The following CDK14 variants were observed in gnomAD, a reference collection of about 807,000 sequenced individuals.
CDK14 encodes cyclin dependent kinase 14.
CDK14 carries 34 observed loss-of-function variants against 60.7 expected under a neutral mutation model. The ratio of observed to expected loss-of-function variants is 0.56; its 90% CI spans 0.43 to 0.75. The LOEUF is 0.75. CDK14 is among the 30% of genes least tolerant of loss of function. The pLI, the probability that CDK14 is intolerant of heterozygous loss-of-function variation, is 0.00. For synonymous variants in CDK14, 197 were observed against 203.7 expected (o/e 0.97, Z 0.28); for missense variants, 482 against 564.1 (o/e 0.85, Z 1.47).
In CDK14 at chr7:90,596,553, G is replaced by T; in HGVS notation, c.-75G>T. 2 of 1,305,900 alleles carry T rather than the reference G, an allele frequency of 1.5e-6. No homozygotes were observed. Among genetic ancestry groups the T allele is most frequent in the Non-Finnish European group, 2.2e-6 (2 of 918,726 alleles). The allele number at this position is 1,305,900 out of a possible 1,614,324, so 80.9% of individuals were successfully genotyped here. A position where few individuals can be genotyped will look rare whatever the true frequency, so the allele number is the denominator to read the frequency against. On this transcript the variant is annotated 5_prime_UTR_variant, in exon 1 of 15. Coordinates refer to ENST00000380050, the MANE Select transcript of CDK14 (RefSeq NM_001287135.2). ...GAGGAGGAGGCGCCGCTTTCCCCGC[G>T]GCGCGCGCCCTCGCCGTTGTCTGAG...
At chr7:90,818,283 G>T (rs1204920715) in intron 5 of CDK14, among the ~76,000 whole-genome samples, 1 of 152,146 alleles carries the variant, frequency 6.6e-6, no homozygotes, top group Non-Finnish European at 1.5e-5. Flanking sequence ...ACATTTTGCT[G>T]TTTCATGGGC....
chr7:91,059,255 C>G (rs964790614), intron 11 of CDK14, among the ~76,000 whole-genome samples: 1 of 152,188 alleles, frequency 6.6e-6, no homozygotes, highest in Non-Finnish European at 1.5e-5. Context: ...GTGATATCCC[C>G]TTTAACATTT....
chr7:90,960,967 A>G (rs1056498655), intron 9 of CDK14, among the ~76,000 whole-genome samples: 17 of 152,080 alleles, frequency 1.1e-4, no homozygotes, highest in African/African-American at 4.1e-4. Context: ...ATGCATTTTA[A>G]TTACTTACCT....
intron 13 of CDK14, among the ~76,000 whole-genome samples, chr7:91,115,568 C>T (rs1360468427): frequency 6.6e-6 from 1 of 152,142 alleles, no homozygotes; most frequent in Non-Finnish European, 1.5e-5. Flanking sequence ...AAAGATGGCT[C>T]ATAGCACTTT....
chr7:90,831,878 C>G (rs1190344748), intron 5 of CDK14, among the ~76,000 whole-genome samples: 1 of 152,062 alleles, frequency 6.6e-6, no homozygotes, highest in Non-Finnish European at 1.5e-5. Context: ...CTTAGCCACA[C>G]TGGTCTCCTT....
chr7:90,795,494 A>G (rs1788384865), intron 5 of CDK14, among the ~76,000 whole-genome samples: 1 of 150,994 alleles, frequency 6.6e-6, no homozygotes, highest in Non-Finnish European at 1.5e-5. Context: ...TTATATATAA[A>G]TATTTGAAAT....
intron 5 of CDK14, among the ~76,000 whole-genome samples, chr7:90,817,876 G>T (rs1789406858): frequency 6.6e-6 from 1 of 152,042 alleles, no homozygotes; most frequent in South Asian, 2.1e-4. Context: ...TAATACATTT[G>T]GATTATTCCG....
rs147766121 is a variant in CDK14 at position 90,843,359 on chromosome 7, C to T, written c.545-19816C>T. On this transcript the variant is annotated intron_variant, in intron 5 of 14. Transcript: ENST00000380050. ...TTATCTTGATTTTTAAAAAATTTTG[C>T]AGCTTTATTAGAAAATTAATGACTT... Among the ~76,000 whole-genome samples the T allele has an allele frequency of 1.3e-3, 194 of 152,176 alleles. 1 individual carries two copies. Among genetic ancestry groups the T allele is most frequent in the African/African-American group, 4.4e-3 (183 of 41,520 alleles).
intron 10 of CDK14, among the ~76,000 whole-genome samples, chr7:90,989,899 A>C (rs909630264): frequency 6.6e-6 from 1 of 152,188 alleles, no homozygotes; most frequent in Non-Finnish European, 1.5e-5. Context: ...GTGTTTAAAG[A>C]AAAATTGCTA....
intron 5 of CDK14, among the ~76,000 whole-genome samples, chr7:90,851,331 A>G (rs1374513426): frequency 6.6e-6 from 1 of 152,124 alleles, no homozygotes; most frequent in Non-Finnish European, 1.5e-5. Context: ...TCAGTGCACT[A>G]AGATTTTATA....
chr7:90,734,281 T>C (rs1198180063), intron 3 of CDK14, among the ~76,000 whole-genome samples: 1 of 152,176 alleles, frequency 6.6e-6, no homozygotes, highest in Non-Finnish European at 1.5e-5. Flanking sequence ...CTGAGGATTA[T>C]GTGTCTTGGG....
intron 10 of CDK14, among the ~76,000 whole-genome samples, chr7:91,013,798 G>C (rs1000331538): frequency 6.6e-6 from 1 of 151,694 alleles, no homozygotes; most frequent in Non-Finnish European, 1.5e-5. Context: ...TTAATTGAGG[G>C]AACATGTAAT....
At chr7:90,934,997 A>G (rs541235423) in intron 8 of CDK14, among the ~76,000 whole-genome samples, 2 of 152,360 alleles carry the variant, frequency 1.3e-5, no homozygotes, top group Admixed American at 6.5e-5. Flanking sequence ...TTTATAAGGA[A>G]TAGAAATTTA....
chr7:90,668,182 C>T (rs1418649935), intron 2 of CDK14, among the ~76,000 whole-genome samples: 1 of 152,086 alleles, frequency 6.6e-6, no homozygotes, highest in Non-Finnish European at 1.5e-5. Flanking sequence ...TTACCAATAC[C>T]TGTTGTCTGT....
At chr7:90,635,622 T>A (rs1011418206) in intron 2 of CDK14, among the ~76,000 whole-genome samples, 1 of 152,148 alleles carries the variant, frequency 6.6e-6, no homozygotes, top group Non-Finnish European at 1.5e-5. Flanking sequence ...TGCGGGCTCT[T>A]TTTTGGTTCC....
At chr7:90,682,030 G>T (rs1476949203) in intron 2 of CDK14, among the ~76,000 whole-genome samples, 2 of 152,176 alleles carry the variant, frequency 1.3e-5, no homozygotes, top group African/African-American at 4.8e-5. Flanking sequence ...GGTATCCACT[G>T]CATTAATAAT....
intron 9 of CDK14, among the ~76,000 whole-genome samples, chr7:90,979,237 A>G (rs1164258651): frequency 6.6e-6 from 1 of 152,228 alleles, no homozygotes; most frequent in Non-Finnish European, 1.5e-5. Context: ...TTAAAAATGT[A>G]GAAGCCATTC....
At chr7:91,181,402 A>G (rs1451692564) in intron 14 of CDK14, among the ~76,000 whole-genome samples, 1 of 152,072 alleles carries the variant, frequency 6.6e-6, no homozygotes, top group African/African-American at 2.4e-5. Flanking sequence ...TTTTGATCAG[A>G]TTTAGGTTTA....
intron 14 of CDK14, among the ~76,000 whole-genome samples, chr7:91,123,453 T>G (rs1358483216): frequency 6.6e-6 from 1 of 152,184 alleles, no homozygotes; most frequent in East Asian, 1.9e-4. Flanking sequence ...GAAGATTCCC[T>G]AGTTGTTACC....
Sources: allele counts gnomAD v4.1 joint callset (sites outside exome capture counted in the v4.1 genomes callset), GRCh38; gene constraint gnomAD v4.1.1; transcripts MANE v1.5; gene names NCBI Gene and HGNC (gene_info 2026-07-23, HGNC 2026-07-21).